Variants in CCDC88A observed in about 807,000 individuals in gnomAD.
The protein encoded by CCDC88A is girdin.
CCDC88A carries 54 observed loss-of-function variants against 234.3 expected under a neutral mutation model. The observed-to-expected ratio is 0.23, with a 90% CI of 0.19 to 0.29. CCDC88A has a LOEUF of 0.29. Ranked by LOEUF, CCDC88A falls within the 10% of genes least tolerant of loss-of-function variation. CCDC88A has a pLI of 1.00. For synonymous variants in CCDC88A, 753 were observed against 737.8 expected (o/e 1.02, Z -0.33); for missense variants, 1,832 against 2,123.4 (o/e 0.86, Z 2.70).
chr2:55,405,489 G>C (rs1002816937), intron 2 of CCDC88A: 2 of 152,244 alleles, frequency 1.3e-5, no homozygotes, highest in Non-Finnish European at 2.9e-5. Context: ...ACCTGCTTGG[G>C]ATCATTCACT....
At chr2:55,313,584 A>T (rs1682601198) in intron 22 of CCDC88A, 1 of 152,234 alleles carries the variant, frequency 6.6e-6, no homozygotes, top group Non-Finnish European at 1.5e-5. Flanking sequence ...CAGAAGGCCC[A>T]AAGTAGTGAT....
chr2:55,344,437 A>T lies in CCDC88A; in HGVS notation c.1119T>A (p.Arg373=). The change falls in exon 11 of 33, where the codon CGT becomes CGA. Residue 373 remains arginine (R), a synonymous_variant. Transcript: ENST00000436346. ...LEDQLEGTRA[R]SDKLHELEKE... ...TTTCTAATTCATGTAATTTATCAGA[A>T]CGAGCACGAGTTCCCTCTAGTTGGT... 6.3e-7 allele frequency: 1 copy of T among 1,589,484 alleles called. No homozygotes were observed. The highest frequency in any genetic ancestry group is 8.6e-7 in the Non-Finnish European group (1 of 1,163,952).
chr2:55,344,172 C>T, intron 11 of CCDC88A, 196 bp downstream of exon 11: 2 of 396,610 alleles, frequency 5.0e-6, no homozygotes, highest in Non-Finnish European at 8.9e-6. Context: ...TAGTAAGTAA[C>T]ATGCTTCTGT....
intron 5 of CCDC88A, among the ~76,000 whole-genome samples, chr2:55,364,826 T>A (rs1024382557): frequency 6.6e-6 from 1 of 152,154 alleles, no homozygotes; most frequent in Non-Finnish European, 1.5e-5. Flanking sequence ...ACATCTCTAA[T>A]GCTGCAAACC....
At position 55,317,244 on chromosome 2, in the gene CCDC88A, T is replaced by C; in HGVS notation, c.3708A>G (p.Val1236=). The part of the protein sequence containing the change: ...MLLENKNHET[V]AAEYKKLCGE... ...CACAAAGTTTCTTGTATTCTGCAGC[T>C]ACTGTTTCATGATTTTTATTTTCAA... Residue 1236 remains valine (V), a synonymous_variant, in exon 21 of 33, where the codon GTA becomes GTG. Transcript: ENST00000436346. This position sits in a 1 kb window ranked among gnomAD's most constrained non-coding sequence, Gnocchi z 4.2. The C allele has an allele frequency of 1.3e-6, 2 of 1,550,670 alleles. No individual in the cohort carries two copies. Among genetic ancestry groups the C allele is most frequent in the South Asian group, 1.3e-5 (1 of 76,936 alleles).
intron 2 of CCDC88A, among the ~76,000 whole-genome samples, chr2:55,412,589 T>C (rs985526174): frequency 6.6e-6 from 1 of 152,236 alleles, no homozygotes; most frequent in Non-Finnish European, 1.5e-5. Context: ...GCTGATGATC[T>C]GAGGTAGAAC....
At chr2:55,292,704 T>C (rs1234722407) in intron 31 of CCDC88A, 1 of 152,152 alleles carries the variant, frequency 6.6e-6, no homozygotes. Context: ...CTACTAAAAA[T>C]ACAAAAATTT....
intron 16 of CCDC88A, among the ~76,000 whole-genome samples, chr2:55,330,343 C>T (rs528975193): frequency 3.3e-5 from 5 of 151,874 alleles, no homozygotes; most frequent in African/African-American, 7.3e-5. Flanking sequence ...CATGGTGGTG[C>T]GTGCCTGTAA....
intron 2 of CCDC88A, among the ~76,000 whole-genome samples, chr2:55,408,448 T>C (rs528556197): frequency 6.6e-6 from 1 of 152,130 alleles, no homozygotes; most frequent in African/African-American, 2.4e-5. Flanking sequence ...AAGATACAGG[T>C]CATAAAGACC....
At chr2:55,388,908 T>C (rs763699713) in intron 2 of CCDC88A, 22 bp from the exon 3 acceptor site, 1 of 852,394 alleles carries the variant, frequency 1.2e-6, no homozygotes, top group African/African-American at 1.8e-5. Flanking sequence ...ACAAAAATAC[T>C]TTAAAATTAC....
chr2:55,404,005 T>C (rs765867650), intron 2 of CCDC88A: 19 of 152,212 alleles, frequency 1.2e-4, no homozygotes, highest in African/African-American at 3.1e-4. Flanking sequence ...TGGGCTGATA[T>C]ACAGTCACGT....
intron 7 of CCDC88A, among the ~76,000 whole-genome samples, chr2:55,358,713 T>C (rs1670904585): frequency 6.6e-6 from 1 of 152,132 alleles, no homozygotes; most frequent in Non-Finnish European, 1.5e-5. Context: ...ACATTTCCAT[T>C]TCTTTCTTCT....
intron 2 of CCDC88A, among the ~76,000 whole-genome samples, chr2:55,412,986 T>C (rs1309986752): frequency 2.0e-5 from 3 of 152,116 alleles, no homozygotes; most frequent in Non-Finnish European, 4.4e-5. Flanking sequence ...GGAGGATCAC[T>C]TGAACCCAGG....
At chr2:55,294,186 G>C (rs756276270) in intron 31 of CCDC88A, 12 of 827,934 alleles carry the variant, frequency 1.4e-5, no homozygotes, top group Non-Finnish European at 1.7e-5. Flanking sequence ...ATATAATTTG[G>C]TTTATTTCTC....
At chr2:55,304,832 T>C (rs1192323432) in intron 25 of CCDC88A, among the ~76,000 whole-genome samples, 1 of 152,198 alleles carries the variant, frequency 6.6e-6, no homozygotes, top group Admixed American at 6.5e-5. Context: ...GAAAAACAAT[T>C]TGCATAAAGA....
chr2:55,301,460 A>T (rs116557083), intron 27 of CCDC88A, 183 bp from the exon 28 acceptor site: 2 of 529,466 alleles, frequency 3.8e-6, no homozygotes, highest in Non-Finnish European at 6.5e-6. Context: ...CTCTCATTAG[A>T]GTTGACTTGC....
At chr2:55,398,486 T>C (rs1007011336) in intron 2 of CCDC88A, among the ~76,000 whole-genome samples, 5 of 152,130 alleles carry the variant, frequency 3.3e-5, no homozygotes, top group Non-Finnish European at 5.9e-5. Flanking sequence ...GAGTTTCCCA[T>C]TTGATGCATG....
chr2:55,387,053 T>C (rs968631989), intron 3 of CCDC88A, among the ~76,000 whole-genome samples: 9 of 151,372 alleles, frequency 5.9e-5, no homozygotes, highest in African/African-American at 2.2e-4. Context: ...AGTGGGCACC[T>C]GTAATCCCTG....
chr2:55,338,752 G>A (rs148299490), intron 13 of CCDC88A, among the ~76,000 whole-genome samples: 2 of 152,282 alleles, frequency 1.3e-5, no homozygotes, highest in African/African-American at 4.8e-5. Flanking sequence ...CAGGACCAAA[G>A]CAGCTTTTAA....
Sources: allele counts gnomAD v4.1 joint callset (sites outside exome capture counted in the v4.1 genomes callset), GRCh38; gene constraint gnomAD v4.1.1; non-coding constraint Gnocchi (gnomAD v3.1); transcripts MANE v1.5; gene names NCBI Gene and HGNC (gene_info 2026-07-23, HGNC 2026-07-21).